Variants in ZC3HAV1L observed in about 807,000 individuals in gnomAD.
ZC3HAV1L encodes zinc finger CCCH-type antiviral protein 1-like.
Under a neutral mutation model 28.2 loss-of-function variants are expected in ZC3HAV1L, and 23 were observed. The ratio of observed to expected loss-of-function variants is 0.82; its 90% CI spans 0.59 to 1.16. The LOEUF (loss-of-function observed/expected upper bound fraction) is 1.16. Ranked by LOEUF, ZC3HAV1L falls within the 50% of genes most tolerant of loss-of-function variation. ZC3HAV1L has a pLI of 0.00. For synonymous variants in ZC3HAV1L, 180 were observed against 163.4 expected (o/e 1.10, Z -0.78); for missense variants, 376 against 387.7 (o/e 0.97, Z 0.25).
At position 139,035,907 on chromosome 7, in the gene ZC3HAV1L, G is replaced by C. The variant is rs560015943; in HGVS notation, c.111C>G (p.Leu37=). 2.4e-5 allele frequency: 36 copies of C among 1,513,958 alleles called. No homozygotes were observed. The African/African-American group carries it at 4.5e-4, about 19-fold the overall frequency. The allele number at this position is 1,513,958 out of a possible 1,614,324, so 93.8% of individuals were successfully genotyped here. A position where few individuals can be genotyped will look rare whatever the true frequency, so the allele number is the denominator to read the frequency against. Reference sequence around the variant, plus strand: ...GCCCGGCGCGCTGCAGCACGTCCCGGAGCCTGGCCTCCGACAGCTCCACGT... The same window carrying C: ...GCCCGGCGCGCTGCAGCACGTCCCGCAGCCTGGCCTCCGACAGCTCCACGT... ...RGHVELSEAR[L]RDVLQRAGPE... is the part of the protein sequence containing the mutation. Residue 37 remains leucine (L), a synonymous_variant, in exon 1 of 5, where the codon CTC becomes CTG. Transcript: ENST00000275766.
Position 139,026,365 on chromosome 7 carries a change from C to T in ZC3HAV1L, c.*179G>A. Reference sequence around the variant, plus strand: ...GTCAGCAGAGCTCCATCTACCCAGCCTGAGGAAAGCACCTAGGAGCTGCAG... The same window carrying T: ...GTCAGCAGAGCTCCATCTACCCAGCTTGAGGAAAGCACCTAGGAGCTGCAG... On this transcript the variant is annotated 3_prime_UTR_variant, in exon 5 of 5. Transcript: ENST00000275766. 1 of 902,902 alleles carries T rather than the reference C, an allele frequency of 1.1e-6. No homozygotes were observed. The highest frequency in any genetic ancestry group is 2.7e-5 in the East Asian group (1 of 36,720). 55.9% of individuals were successfully genotyped at this position (902,902 alleles called of 1,614,324 possible).
At chr7:139,032,678 AAAAAT>A (rs1815570486) in intron 2 of ZC3HAV1L, among the ~76,000 whole-genome samples, 2 of 150,878 alleles carry the variant, frequency 1.3e-5, no homozygotes, top group East Asian at 1.9e-4. Flanking sequence ...AAAATAAATA[AAAAAT>A]AAAATAAAAT....
At chr7:139,033,209 A>AC (rs1310476070) in intron 2 of ZC3HAV1L, among the ~76,000 whole-genome samples, 2 of 113,166 alleles carry the variant, frequency 1.8e-5, no homozygotes, top group African/African-American at 3.3e-5. Context: ...AAAAAAAAAA[A>AC]AACTATATAA....
chr7:139,031,954 A>G (rs1815546778), intron 2 of ZC3HAV1L, among the ~76,000 whole-genome samples: 1 of 152,062 alleles, frequency 6.6e-6, no homozygotes, highest in African/African-American at 2.4e-5. Flanking sequence ...GTACACCTGC[A>G]GTCCCAGCTA....
chr7:139,022,612 T>C (rs1445759305), downstream of ZC3HAV1L, among the ~76,000 whole-genome samples: 2 of 152,222 alleles, frequency 1.3e-5, no homozygotes, highest in African/African-American at 4.8e-5. Context: ...TGGATTCAAA[T>C]ACAAAGTATA....
chr7:139,029,884 A>G (rs929504727), intron 2 of ZC3HAV1L, among the ~76,000 whole-genome samples: 3 of 152,204 alleles, frequency 2.0e-5, no homozygotes, highest in Non-Finnish European at 4.4e-5. Flanking sequence ...GACAACTAAT[A>G]TAAACTGGGT....
downstream of ZC3HAV1L, among the ~76,000 whole-genome samples, chr7:139,024,992 G>C (rs1163114614): frequency 6.6e-6 from 1 of 152,070 alleles, no homozygotes; most frequent in Non-Finnish European, 1.5e-5. Context: ...GTGGAGAGCA[G>C]GGAGGAAGGG....
chr7:139,034,928 G>A, intron 1 of ZC3HAV1L: 8 of 985,428 alleles, frequency 8.1e-6, no homozygotes, highest in Non-Finnish European at 9.6e-6. Context: ...CCTCGCCTGA[G>A]GATGCACATC....
intron 1 of ZC3HAV1L, 160 bp downstream of exon 1, chr7:139,035,493 G>T (rs900751147): frequency 1.0e-6 from 1 of 985,290 alleles, no homozygotes; most frequent in African/African-American, 1.7e-5. Flanking sequence ...TGGAAGCGCG[G>T]GGGAGGACGC....
chr7:139,031,042 C>T (rs1430652463), intron 2 of ZC3HAV1L, among the ~76,000 whole-genome samples: 3 of 152,098 alleles, frequency 2.0e-5, no homozygotes, highest in Admixed American at 6.5e-5. Context: ...AAAATAAATT[C>T]GTAACTTTAA....
At position 139,028,734 on chromosome 7, in the gene ZC3HAV1L, T is replaced by C. The variant is rs200998333; in HGVS notation, c.728A>G (p.His243Arg). ...TTCAAGCATCTTGTGCAGCTTCATA[T>C]GCTTGTAGGTGGAGATTATCTGAAA... Reference protein sequence around the residue: ...VNFQIISTYKHMKLHKMLENT... With the variant: ...VNFQIISTYKRMKLHKMLENT... The change falls in exon 3 of 5, where the codon CAT (histidine) becomes CGT (arginine). Residue 243 changes from histidine (H) to arginine (R), a missense_variant. Coordinates refer to ENST00000275766, the MANE Select transcript of ZC3HAV1L (RefSeq NM_080660.4). 11 of 1,614,180 alleles carry C rather than the reference T, an allele frequency of 6.8e-6. No homozygotes were observed. The highest frequency in any genetic ancestry group is 3.3e-5 in the Admixed American group (2 of 60,022).
In ZC3HAV1L at chr7:139,026,838, A is replaced by G; in HGVS notation, c.761-5T>C. 6.2e-7 allele frequency: 1 copy of G among 1,607,464 alleles called. No individual in the cohort carries two copies. Among genetic ancestry groups the G allele is most frequent in the East Asian group, 2.2e-5 (1 of 44,722 alleles). On this transcript the variant is annotated splice_region_variant and splice_polypyrimidine_tract_variant and intron_variant, in intron 3 of 4. Coordinates refer to ENST00000275766, the MANE Select transcript of ZC3HAV1L (RefSeq NM_080660.4). ...CAGTCGAAGGTGATGAATTATCTAC[A>G]AAGAGGAAAGGGATAAGTTTTCCTA...
chr7:139,026,695 C>G lies in ZC3HAV1L; in HGVS notation c.886+13G>C. ...AGCTTCTTCTTAGTTCACTGACCCC[C>G]TTTAAGGTTTACCTGGGCAGGGCTT... On this transcript the variant is annotated intron_variant, in intron 4 of 4. Coordinates refer to ENST00000275766, the MANE Select transcript of ZC3HAV1L (RefSeq NM_080660.4). 1 of 1,613,926 alleles carries G rather than the reference C, an allele frequency of 6.2e-7. No homozygotes were observed. The highest frequency in any genetic ancestry group is 1.1e-5 in the South Asian group (1 of 91,010).
At chr7:139,028,241 C>T (rs1360937041) in intron 3 of ZC3HAV1L, among the ~76,000 whole-genome samples, 2 of 151,920 alleles carry the variant, frequency 1.3e-5, no homozygotes, top group Admixed American at 6.6e-5. Context: ...GGCATGGTGG[C>T]GCATGCCTGT....
At chr7:139,035,172 C>A in intron 1 of ZC3HAV1L, 1 of 985,422 alleles carries the variant, frequency 1.0e-6, no homozygotes, top group Non-Finnish European at 1.2e-6. Context: ...AGCCCTGTTT[C>A]CTGGGGTGAG....
rs765060097 is a variant in ZC3HAV1L at position 139,034,667 on chromosome 7, G to C, written c.377C>G (p.Thr126Ser). Residue 126 changes from threonine (T) to serine (S), a missense_variant, in exon 2 of 5, where the codon ACC (threonine) becomes AGC (serine). Physicochemically the swap from Thr to Ser is moderately conservative, Grantham distance 58. Transcript: ENST00000275766. ...AGGTGTGTGGATATCATGGGAAAGG[G>C]TACAGGTAGACCTAAAAGAACAAAG... ...CPNRDCWSTC[T>S]LSHDIHTPVN... 6.2e-7 allele frequency: 1 copy of C among 1,613,936 alleles called. No homozygotes were observed. Among genetic ancestry groups the C allele is most frequent in the Non-Finnish European group, 8.5e-7 (1 of 1,179,858 alleles).
At chr7:139,022,504 C>A (rs1815264763), downstream of ZC3HAV1L, 1 of 299,442 alleles carries the variant, frequency 3.3e-6, no homozygotes, top group Non-Finnish European at 7.0e-6. Context: ...TGTAATTGTG[C>A]CCTGCACTCC....
chr7:139,035,403 G>C, intron 1 of ZC3HAV1L: 1 of 985,092 alleles, frequency 1.0e-6, no homozygotes, highest in Non-Finnish European at 1.2e-6. Context: ...CGGGGGGGCG[G>C]GCGGGGGCAG....
chr7:139,032,548 C>T (rs553986124), intron 2 of ZC3HAV1L, among the ~76,000 whole-genome samples: 184 of 109,418 alleles, frequency 1.7e-3, no homozygotes, highest in Non-Finnish European at 3.1e-3. Flanking sequence ...GGCATGAACC[C>T]GGGAGCAGAG....
Sources: gnomAD v4.1 joint callset for allele counts (sites outside exome capture counted in the v4.1 genomes callset) on GRCh38, gnomAD v4.1.1 for gene constraint, MANE v1.5 for transcripts, NCBI Gene and HGNC (gene_info 2026-07-23, HGNC 2026-07-21) for gene names.